Variants in KCNH7 observed in about 807,000 individuals in gnomAD.
KCNH7 encodes the protein voltage-gated inwardly rectifying potassium channel KCNH7.
In KCNH7, 49 loss-of-function variants were observed where a neutral mutation model predicts 120.8. The observed-to-expected ratio is 0.41, with a 90% CI of 0.32 to 0.51. The LOEUF (loss-of-function observed/expected upper bound fraction) is 0.51. Ranked by LOEUF, KCNH7 falls within the 20% of genes least tolerant of loss-of-function variation. The pLI, the probability that KCNH7 is intolerant of heterozygous loss-of-function variation, is 0.38. For missense variants in KCNH7, 1,097 were observed against 1,446.6 expected, an observed-to-expected ratio of 0.76 and a Z score of 3.92; for synonymous variants, 547 against 516.1, an observed-to-expected ratio of 1.06 and a Z score of -0.81.
chr2:162,678,249 A>C (rs537616060), intron 2 of KCNH7, among the ~76,000 whole-genome samples: 1 of 151,508 alleles, frequency 6.6e-6, no homozygotes, highest in East Asian at 1.9e-4. Context: ...GAAACTATAT[A>C]TGTAAATTCC....
intron 2 of KCNH7, among the ~76,000 whole-genome samples, chr2:162,714,420 T>C (rs992029420): frequency 1.3e-5 from 2 of 152,178 alleles, no homozygotes; most frequent in Admixed American, 1.3e-4. Context: ...ATAAGGTATG[T>C]ATTAAGCTGA....
chr2:162,698,454 A>G (rs575694966), intron 2 of KCNH7, among the ~76,000 whole-genome samples: 1 of 146,620 alleles, frequency 6.8e-6, no homozygotes, highest in Non-Finnish European at 1.5e-5. Flanking sequence ...TTTAACTTCC[A>G]TTGCATGAGT....
chr2:162,823,498 T>C (rs1685185431), intron 2 of KCNH7, among the ~76,000 whole-genome samples: 1 of 152,158 alleles, frequency 6.6e-6, no homozygotes, highest in Admixed American at 6.5e-5. Flanking sequence ...TGAGTTATAG[T>C]TAAAGTGGGT....
chr2:162,755,470 T>C (rs991595796), intron 2 of KCNH7, among the ~76,000 whole-genome samples: 1 of 152,124 alleles, frequency 6.6e-6, no homozygotes, highest in Admixed American at 6.6e-5. Context: ...AGACTCCATC[T>C]CAAAAACAAA....
intron 2 of KCNH7, among the ~76,000 whole-genome samples, chr2:162,659,031 C>T (rs185051770): frequency 7.8e-4 from 118 of 152,196 alleles, no homozygotes; most frequent in African/African-American, 2.8e-3. Flanking sequence ...GAGGAGACAC[C>T]CTTGCCTTGT....
chr2:162,486,235 C>G (rs977712537), intron 6 of KCNH7, among the ~76,000 whole-genome samples: 1 of 152,124 alleles, frequency 6.6e-6, no homozygotes, highest in African/African-American at 2.4e-5. Context: ...CTACCAACAA[C>G]CTCAGCTCAT....
At chr2:162,739,607 G>A (rs1688049911) in intron 2 of KCNH7, among the ~76,000 whole-genome samples, 1 of 152,114 alleles carries the variant, frequency 6.6e-6, no homozygotes, top group African/African-American at 2.4e-5. Flanking sequence ...GGATTTTTCT[G>A]TCTCCCTTAG....
intron 8 of KCNH7, among the ~76,000 whole-genome samples, chr2:162,430,689 TAGA>T (rs1378136608): frequency 1.3e-5 from 2 of 151,968 alleles, no homozygotes; most frequent in East Asian, 3.9e-4. Flanking sequence ...ATGTTTTTAA[TAGA>T]AGGAGAGTAA....
intron 2 of KCNH7, among the ~76,000 whole-genome samples, chr2:162,738,231 T>A (rs950742395): frequency 6.6e-6 from 1 of 152,100 alleles, no homozygotes; most frequent in Admixed American, 6.6e-5. Flanking sequence ...TGTGCATATA[T>A]ATATGTGTGT....
intron 2 of KCNH7, among the ~76,000 whole-genome samples, chr2:162,608,702 G>C (rs1682863650): frequency 6.6e-6 from 1 of 152,066 alleles, no homozygotes; most frequent in African/African-American, 2.4e-5. Flanking sequence ...GGAATAGCTT[G>C]TCATCCTATC....
chr2:162,476,497 CAT>C (rs1241065480), intron 6 of KCNH7, among the ~76,000 whole-genome samples: 7 of 152,210 alleles, frequency 4.6e-5, no homozygotes, highest in Admixed American at 4.6e-4. Flanking sequence ...TTTAATGTAA[CAT>C]ATTTAAAATA....
intron 2 of KCNH7, among the ~76,000 whole-genome samples, chr2:162,685,185 G>A (rs908418567): frequency 1.7e-4 from 25 of 145,044 alleles, no homozygotes; most frequent in Non-Finnish European, 2.4e-4. Context: ...ATCACACACC[G>A]GGGCCTGTTG....
At chr2:162,753,413 T>C (rs964942070) in intron 2 of KCNH7, among the ~76,000 whole-genome samples, 25 of 152,124 alleles carry the variant, frequency 1.6e-4, no homozygotes, top group African/African-American at 6.0e-4. Flanking sequence ...ATGAGATAGA[T>C]TACGAATTAG....
intron 2 of KCNH7, among the ~76,000 whole-genome samples, chr2:162,557,976 C>A (rs1300440695): frequency 6.6e-6 from 1 of 152,028 alleles, no homozygotes; most frequent in Non-Finnish European, 1.5e-5. Flanking sequence ...GAAGATAATC[C>A]TTTCTATATA....
intron 6 of KCNH7, among the ~76,000 whole-genome samples, chr2:162,482,716 G>A (rs191012021): frequency 2.0e-3 from 304 of 152,236 alleles, no homozygotes; most frequent in African/African-American, 6.9e-3. Flanking sequence ...CATGTCTGCT[G>A]CTTCCTACAG....
intron 7 of KCNH7, 32 bp from the exon 8 acceptor site, chr2:162,435,629 G>A (rs1217251907): frequency 6.5e-7 from 1 of 1,533,722 alleles, no homozygotes; most frequent in African/African-American, 1.4e-5. Context: ...GTCAGAAACG[G>A]TCGGCAAACA....
chr2:162,376,348 C>T (rs1307956382), intron 14 of KCNH7, among the ~76,000 whole-genome samples: 1 of 151,338 alleles, frequency 6.6e-6, no homozygotes, highest in Non-Finnish European at 1.5e-5. Context: ...TCTAGGGCTT[C>T]CCTACTCAAA....
chr2:162,723,743 T>C (rs1406073078), intron 2 of KCNH7, among the ~76,000 whole-genome samples: 1 of 152,174 alleles, frequency 6.6e-6, no homozygotes, highest in Admixed American at 6.5e-5. Flanking sequence ...AAAAGTATAG[T>C]TATGAAAAAA....
At chr2:162,660,207 G>T (rs188570331) in intron 2 of KCNH7, among the ~76,000 whole-genome samples, 10 of 152,062 alleles carry the variant, frequency 6.6e-5, no homozygotes, top group Admixed American at 3.3e-4. Context: ...TCCTAAAATG[G>T]ATAATTAGAT....
Sources: allele counts gnomAD v4.1 joint callset (sites outside exome capture counted in the v4.1 genomes callset), GRCh38; gene constraint gnomAD v4.1.1; transcripts MANE v1.5; gene names NCBI Gene and HGNC (gene_info 2026-07-23, HGNC 2026-07-21).